SOBP: variants seen among roughly 807,000 people sequenced by gnomAD.
The protein encoded by SOBP is sine oculis-binding protein homolog.
A neutral mutation model predicts 53.6 loss-of-function variants in SOBP; 4 were observed. The observed-to-expected ratio is 0.07, with a 90% CI of 0.04 to 0.17. SOBP has a LOEUF of 0.17. Ranked by LOEUF, SOBP falls within the 10% of genes least tolerant of loss-of-function variation. The pLI, the probability that SOBP is intolerant of heterozygous loss-of-function variation, is 1.00. For synonymous variants in SOBP, 584 were observed against 522.6 expected, an observed-to-expected ratio of 1.12 and a Z score of -1.60; for missense variants, 1,088 against 1,204.7, an observed-to-expected ratio of 0.90 and a Z score of 1.43.
At chr6:107,535,643 T>G (rs941947900) in intron 4 of SOBP, among the ~76,000 whole-genome samples, 6 of 150,796 alleles carry the variant, frequency 4.0e-5, no homozygotes, top group Admixed American at 1.3e-4. Flanking sequence ...GTGTGTTTTT[T>G]TTTTTTCCAA....
intron 6 of SOBP, among the ~76,000 whole-genome samples, chr6:107,646,356 A>G (rs1353605951): frequency 6.6e-6 from 1 of 152,248 alleles, no homozygotes; most frequent in Non-Finnish European, 1.5e-5. Context: ...GATCTAAAGA[A>G]GGAAGATGCT....
chr6:107,646,480 A>T (rs547670719), intron 6 of SOBP, among the ~76,000 whole-genome samples: 18 of 152,186 alleles, frequency 1.2e-4, no homozygotes, highest in Non-Finnish European at 2.5e-4. Flanking sequence ...TCATGCATGC[A>T]CAGAGGCAGG....
At chr6:107,539,586 C>T (rs1208026707) in intron 4 of SOBP, among the ~76,000 whole-genome samples, 1 of 152,196 alleles carries the variant, frequency 6.6e-6, no homozygotes, top group Non-Finnish European at 1.5e-5. Flanking sequence ...TAACATTAAC[C>T]ACAGTGTCAG....
At chr6:107,500,777 G>T (rs555133806) in intron 1 of SOBP, among the ~76,000 whole-genome samples, 1 of 152,000 alleles carries the variant, frequency 6.6e-6, no homozygotes, top group Non-Finnish European at 1.5e-5. Context: ...TGCCCACCTT[G>T]GCCTCCCAAA....
At chr6:107,600,704 G>A (rs1407774191) in intron 5 of SOBP, among the ~76,000 whole-genome samples, 1 of 152,142 alleles carries the variant, frequency 6.6e-6, no homozygotes, top group Non-Finnish European at 1.5e-5. Context: ...TCAGCTCTTT[G>A]GTGTATCCTG....
At chr6:107,509,665 C>T (rs764600141) in intron 3 of SOBP, 2 of 152,102 alleles carry the variant, frequency 1.3e-5, no homozygotes, top group Non-Finnish European at 2.9e-5. Context: ...GAGCCAGCCA[C>T]GTGGAATTCA....
intron 4 of SOBP, among the ~76,000 whole-genome samples, chr6:107,581,844 C>T (rs1785412396): frequency 6.6e-6 from 1 of 152,108 alleles, no homozygotes; most frequent in African/African-American, 2.4e-5. Flanking sequence ...TTCAACTATA[C>T]ACTTATTCTC....
At chr6:107,534,489 T>C (rs1783932323) in intron 4 of SOBP, among the ~76,000 whole-genome samples, 1 of 152,250 alleles carries the variant, frequency 6.6e-6, no homozygotes, top group African/African-American at 2.4e-5. Flanking sequence ...CCACATTTTG[T>C]TGTTTCCATT....
At chr6:107,596,404 G>T (rs552246232) in intron 5 of SOBP, among the ~76,000 whole-genome samples, 1 of 152,242 alleles carries the variant, frequency 6.6e-6, no homozygotes, top group South Asian at 2.1e-4. Flanking sequence ...ATATCTCCCT[G>T]GTTCTAGTTC....
At chr6:107,503,609 GT>G in intron 1 of SOBP, 47 bp from the exon 2 acceptor site, 1 of 1,603,612 alleles carries the variant, frequency 6.2e-7, no homozygotes, top group Non-Finnish European at 8.5e-7. Context: ...TTCTTTTCAA[GT>G]AGTTATTGAT....
In SOBP at chr6:107,660,066, G is replaced by T. The variant is rs1161303853; in HGVS notation, c.*1863G>T. ...CTCTGGGGCCATATTTTTCTGCTGG[G>T]TCACAACATTCTCCTCTCCCTGACT... On this transcript the variant is annotated 3_prime_UTR_variant, in exon 7 of 7. Coordinates refer to ENST00000317357, the MANE Select transcript of SOBP (RefSeq NM_018013.4). 1 of 152,488 alleles carries T rather than the reference G, an allele frequency of 6.6e-6. No homozygotes were observed. The highest frequency in any genetic ancestry group is 1.5e-5 in the Non-Finnish European group (1 of 68,024). 9.4% of individuals were successfully genotyped at this position (152,488 alleles called of 1,614,324 possible).
chr6:107,503,546 T>G, intron 1 of SOBP, 111 bp from the exon 2 acceptor site: 1 of 1,188,506 alleles, frequency 8.4e-7, no homozygotes, highest in Non-Finnish European at 1.2e-6. Flanking sequence ...CTAGGGGAAG[T>G]GAGGCAGGGC....
At position 107,634,767 on chromosome 6, in the gene SOBP, C is replaced by T. The variant is rs1316402550; in HGVS notation, c.1923C>T (p.Gly641=). ...PGPPGAGGQL[G]FPGVLQGPQD... is the part of the protein sequence containing the mutation. ...CCCCGGGCGCGGGCGGCCAGCTCGGCTTCCCAGGCGTGCTGCAGGGCCCGC... is the reference window on the plus strand; with the variant it reads ...CCCCGGGCGCGGGCGGCCAGCTCGGTTTCCCAGGCGTGCTGCAGGGCCCGC... Residue 641 remains glycine, a synonymous_variant, in exon 6 of 7, where the codon GGC becomes GGT. Coordinates refer to ENST00000317357, the MANE Select transcript of SOBP (RefSeq NM_018013.4). The surrounding 1 kb of genome is among the most constrained non-coding windows in gnomAD (Gnocchi z 4.5). 3 of 1,357,362 alleles carry T rather than the reference C, an allele frequency of 2.2e-6. No homozygotes were observed. Among genetic ancestry groups the T allele is most frequent in the Non-Finnish European group, 2.8e-6 (3 of 1,058,758 alleles). The allele number at this position is 1,357,362 out of a possible 1,614,324, so 84.1% of individuals were successfully genotyped here.
chr6:107,533,327 G>T, intron 3 of SOBP, 132 bp from the exon 4 acceptor site: 5 of 292,362 alleles, frequency 1.7e-5, no homozygotes, highest in Non-Finnish European at 3.2e-5. Flanking sequence ...GAGAGAGAAA[G>T]AAAAAGCACT....
chr6:107,502,613 C>T (rs1440657826), intron 1 of SOBP, among the ~76,000 whole-genome samples: 3 of 152,138 alleles, frequency 2.0e-5, no homozygotes, highest in African/African-American at 4.8e-5. Flanking sequence ...TGTTTTCATA[C>T]ATTATCCCAA....
At chr6:107,623,358 A>G (rs1321856762) in intron 5 of SOBP, among the ~76,000 whole-genome samples, 1 of 152,200 alleles carries the variant, frequency 6.6e-6, no homozygotes, top group Non-Finnish European at 1.5e-5. Context: ...AGAAGTGGAT[A>G]GATCCGTATT....
At chr6:107,503,117 C>A (rs1272179270) in intron 1 of SOBP, among the ~76,000 whole-genome samples, 1 of 152,156 alleles carries the variant, frequency 6.6e-6, no homozygotes, top group Non-Finnish European at 1.5e-5. Flanking sequence ...ACCCTTGTAA[C>A]CTATTGTAAC....
chr6:107,616,917 G>A (rs1583276898), intron 5 of SOBP, among the ~76,000 whole-genome samples: 3 of 152,310 alleles, frequency 2.0e-5, no homozygotes, highest in East Asian at 3.9e-4. Flanking sequence ...ATCCAGGCAT[G>A]GGGAGGGCCT....
chr6:107,551,163 G>T (rs930645261), intron 4 of SOBP, among the ~76,000 whole-genome samples: 3 of 152,132 alleles, frequency 2.0e-5, no homozygotes, highest in Non-Finnish European at 4.4e-5. Flanking sequence ...ACTTGCAGGG[G>T]CCACACATCT....
Sources: allele counts gnomAD v4.1 joint callset (sites outside exome capture counted in the v4.1 genomes callset), GRCh38; gene constraint gnomAD v4.1.1; non-coding constraint Gnocchi (gnomAD v3.1); transcripts MANE v1.5; gene names NCBI Gene and HGNC (gene_info 2026-07-23, HGNC 2026-07-21).